Variants in BAIAP2L1 observed in about 807,000 individuals in gnomAD.
BAIAP2L1 encodes the protein BAR/IMD domain containing adaptor protein 2 like 1, also known as BAR/IMD domain-containing adapter protein 2-like 1.
In BAIAP2L1, 35 loss-of-function variants were observed where a neutral mutation model predicts 66.3. The ratio of observed to expected loss-of-function variants is 0.53; its 90% confidence interval spans 0.40 to 0.70. The LOEUF is 0.70. BAIAP2L1 is among the 30% of genes least tolerant of loss of function. The pLI is 0.00. For missense variants in BAIAP2L1, 622 were observed against 656.9 expected, an observed-to-expected ratio of 0.95 and a Z score of 0.58; for synonymous variants, 269 against 248.7, an observed-to-expected ratio of 1.08 and a Z score of -0.77.
At chr7:98,362,989 G>A (rs1230947203) in intron 1 of BAIAP2L1, among the ~76,000 whole-genome samples, 3 of 151,472 alleles carry the variant, frequency 2.0e-5, no homozygotes. Flanking sequence ...CAGGACACAG[G>A]CCTGCCTGGA....
At chr7:98,375,517 A>G (rs1802605133) in intron 1 of BAIAP2L1, among the ~76,000 whole-genome samples, 1 of 152,048 alleles carries the variant, frequency 6.6e-6, no homozygotes, top group South Asian at 2.1e-4. Context: ...TGGGAGGCCG[A>G]GGCTGGCAGA....
chr7:98,397,594 T>C (rs1280613260), intron 1 of BAIAP2L1, among the ~76,000 whole-genome samples: 1 of 152,166 alleles, frequency 6.6e-6, no homozygotes, highest in Admixed American at 6.6e-5. Context: ...CCCAAAGTGC[T>C]GGGATTACAG....
chr7:98,330,994 A>C (rs1315612024), intron 3 of BAIAP2L1, among the ~76,000 whole-genome samples: 3 of 152,154 alleles, frequency 2.0e-5, no homozygotes, highest in African/African-American at 4.8e-5. Context: ...ATTTCAACAT[A>C]AAATTGGGAG....
rs903978479 is a variant in BAIAP2L1, at chr7:98,305,464, C to T, written c.1241+975G>A. ...CATCAGACCCTGGGGAATGCAACGTCGGACCTGGAGGCCTTCTACCTGGCT... is the reference window on the plus strand; with the variant it reads ...CATCAGACCCTGGGGAATGCAACGTTGGACCTGGAGGCCTTCTACCTGGCT... On this transcript the variant is annotated intron_variant, in intron 11 of 13. Coordinates refer to ENST00000005260, the MANE Select transcript of BAIAP2L1 (RefSeq NM_018842.5). 7.2e-5 allele frequency among the ~76,000 whole-genome samples: 11 copies of T among 152,236 alleles called. No individual in the cohort carries two copies. In the East Asian group the frequency reaches 1.5e-3, roughly 21 times the overall value.
rs77452195 is a variant in BAIAP2L1, at chr7:98,326,461, C to T, written c.215-6163G>A. ...ATTGTAAGTTACTGTACACTGTGCT[C>T]AAAACTAACTAACTAACTTAACTAA... On this transcript the variant is annotated intron_variant, in intron 3 of 13. Transcript: ENST00000005260. Among the ~76,000 whole-genome samples the T allele has an allele frequency of 6.0e-4, 91 of 152,166 alleles. 1 individual carries two copies. In the East Asian group the frequency reaches 0.015, roughly 25 times the overall value.
rs755673546 is a variant in BAIAP2L1 at position 98,400,841 on chromosome 7, C to T, written c.12G>A (p.Gly4=). 22 of 1,544,226 alleles carry T rather than the reference C, an allele frequency of 1.4e-5. No individual in the cohort carries two copies. The highest frequency in any genetic ancestry group is 2.5e-5 in the East Asian group (1 of 40,048). MSR[G]PEEVNRLTES... is the part of the protein sequence containing the mutation. ...CCGTGAGCCGGTTCACCTCCTCGGG[C>T]CCCCGGGACATGGCTGCGGCCGCCG... Residue 4 remains glycine, a synonymous_variant, in exon 1 of 14, where the codon GGG becomes GGA. Transcript: ENST00000005260.
chr7:98,387,202 C>T (rs367701403), intron 1 of BAIAP2L1, among the ~76,000 whole-genome samples: 3 of 152,104 alleles, frequency 2.0e-5, no homozygotes, highest in Admixed American at 6.6e-5. Context: ...CAGGTCCAGG[C>T]GGAGGAGAGG....
In BAIAP2L1 at chr7:98,380,736, GTTTT is replaced by G. The variant is rs11293027; in HGVS notation, c.52-18308_52-18305del. On this transcript the variant is annotated intron_variant, in intron 1 of 13. Coordinates refer to ENST00000005260, the MANE Select transcript of BAIAP2L1 (RefSeq NM_018842.5). ...AAGCATAAGCCACCATATCCGGTCC[GTTTT>G]TTTTTTTTTTTTAATAAAAAAAAAA... 6.7e-3 allele frequency among the ~76,000 whole-genome samples: 773 copies of G among 115,174 alleles called. 6 individuals carry two copies. Among genetic ancestry groups the G allele is most frequent in the African/African-American group, 0.024 (727 of 29,910 alleles). 75.6% of individuals were successfully genotyped at this position (115,174 alleles called of 152,430 possible). A position where few individuals can be genotyped will look rare whatever the true frequency, so the allele number is the denominator to read the frequency against.
intron 8 of BAIAP2L1, among the ~76,000 whole-genome samples, chr7:98,311,458 G>A (rs1379470295): frequency 1.3e-5 from 2 of 151,048 alleles, no homozygotes; most frequent in South Asian, 2.1e-4. Context: ...GCAGAATGGC[G>A]TGAACCCAGG....
chr7:98,368,634 T>C (rs1802441867), intron 1 of BAIAP2L1, among the ~76,000 whole-genome samples: 2 of 151,996 alleles, frequency 1.3e-5, no homozygotes, highest in African/African-American at 4.8e-5. Flanking sequence ...GAGGTTGCAT[T>C]GAGTCGAGAT....
Position 98,307,880 on chromosome 7 carries a change from G to A in BAIAP2L1, c.972C>T (p.Pro324=). 6.2e-7 allele frequency: 1 copy of A among 1,614,218 alleles called. No individual in the cohort carries two copies. Among genetic ancestry groups the A allele is most frequent in the Non-Finnish European group, 8.5e-7 (1 of 1,180,024 alleles). Residue 324 remains proline, a synonymous_variant, in exon 10 of 14, where the codon CCC becomes CCT. Coordinates refer to ENST00000005260, the MANE Select transcript of BAIAP2L1 (RefSeq NM_018842.5). ...CAACCGAAACTGATCGCTGTAAACTGGGATCTTCGGAAGTACCTGTTGGAG... is the reference window on the plus strand; with the variant it reads ...CAACCGAAACTGATCGCTGTAAACTAGGATCTTCGGAAGTACCTGTTGGAG... ...VNNSTGTSED[P]SLQRSVSVAT...
chr7:98,299,895 G>T (rs1279025579), intron 12 of BAIAP2L1, among the ~76,000 whole-genome samples: 1 of 152,082 alleles, frequency 6.6e-6, no homozygotes, highest in Non-Finnish European at 1.5e-5. Flanking sequence ...ACAAAAATTA[G>T]CTGGGTGTGG....
intron 1 of BAIAP2L1, among the ~76,000 whole-genome samples, chr7:98,387,531 G>A (rs1028708184): frequency 2.6e-5 from 4 of 152,104 alleles, no homozygotes; most frequent in Admixed American, 2.6e-4. Flanking sequence ...AAATTCTTGA[G>A]TTCTTACTAT....
At position 98,381,251 on chromosome 7, in the gene BAIAP2L1, G is replaced by A. The variant is rs902610130; in HGVS notation, c.52-18819C>T. Reference sequence around the variant, plus strand: ...TCCTTACTGTGTCCTTCTAAAAGGCGGGGTTTCCTAGGAAATCTTCAGCGC... The same window carrying A: ...TCCTTACTGTGTCCTTCTAAAAGGCAGGGTTTCCTAGGAAATCTTCAGCGC... On this transcript the variant is annotated intron_variant, in intron 1 of 13. Coordinates refer to ENST00000005260, the MANE Select transcript of BAIAP2L1 (RefSeq NM_018842.5). Among the ~76,000 whole-genome samples the A allele has an allele frequency of 2.0e-5, 3 of 152,094 alleles. No individual in the cohort carries two copies. The South Asian group carries it at 6.2e-4, about 31-fold the overall frequency.
intron 3 of BAIAP2L1, among the ~76,000 whole-genome samples, chr7:98,353,911 G>A (rs1272354013): frequency 6.6e-6 from 1 of 150,768 alleles, no homozygotes; most frequent in African/African-American, 2.4e-5. Flanking sequence ...GCAGTGAGCC[G>A]AGATCGTGCC....
chr7:98,358,278 A>G (rs1051916281), intron 2 of BAIAP2L1, among the ~76,000 whole-genome samples: 12 of 151,844 alleles, frequency 7.9e-5, no homozygotes, highest in African/African-American at 1.2e-4. Flanking sequence ...TAATACTTTC[A>G]TAATTTTGCC....
chr7:98,359,058 T>C (rs977440979), intron 2 of BAIAP2L1, among the ~76,000 whole-genome samples: 2 of 152,152 alleles, frequency 1.3e-5, no homozygotes, highest in South Asian at 4.1e-4. Context: ...AAAGACCCCA[T>C]TGCAGGGCTG....
At chr7:98,297,543 G>C (rs1053846895) in intron 12 of BAIAP2L1, among the ~76,000 whole-genome samples, 7 of 152,104 alleles carry the variant, frequency 4.6e-5, no homozygotes, top group African/African-American at 1.7e-4. Context: ...CCAGTTACTC[G>C]CAACAAAAGT....
chr7:98,393,167 G>GTA (rs149859832), intron 1 of BAIAP2L1, among the ~76,000 whole-genome samples: 35,206 of 80,802 alleles, frequency 0.44, 7,545 homozygotes, highest in East Asian at 0.56. Context: ...ACACATATAT[G>GTA]TATATATATA....
Sources: gnomAD v4.1 joint callset for allele counts (sites outside exome capture counted in the v4.1 genomes callset) on GRCh38, gnomAD v4.1.1 for gene constraint, MANE v1.5 for transcripts, NCBI Gene and HGNC (gene_info 2026-07-23, HGNC 2026-07-21) for gene names.